The following PARD3 variants were observed in gnomAD, a reference collection of about 807,000 sequenced individuals.
PARD3 encodes par-3 family cell polarity regulator.
Under a neutral mutation model 155.4 loss-of-function variants are expected in PARD3, and 75 were observed. The ratio of observed to expected loss-of-function variants is 0.48; its 90% CI spans 0.40 to 0.58. The LOEUF is 0.58. Among genes scored for constraint, PARD3 ranks in the 20% least tolerant of loss-of-function variants. The pLI is 0.00. For missense variants in PARD3, 1,642 were observed against 1,721.7 expected (o/e 0.95, Z 0.82); for synonymous variants, 576 against 610.5 (o/e 0.94, Z 0.83).
chr10:34,385,681 T>C (rs1842281953), intron 7 of PARD3, among the ~76,000 whole-genome samples: 1 of 152,196 alleles, frequency 6.6e-6, no homozygotes, highest in African/African-American at 2.4e-5. Context: ...AGTAGAAATA[T>C]ACCAAAATAG....
At chr10:34,542,168 C>T (rs936121346) in intron 2 of PARD3, among the ~76,000 whole-genome samples, 3 of 150,770 alleles carry the variant, frequency 2.0e-5, no homozygotes, top group African/African-American at 7.3e-5. Context: ...TAGGAAATAT[C>T]AATGTACACT....
intron 22 of PARD3, among the ~76,000 whole-genome samples, chr10:34,190,994 C>A (rs1488330770): frequency 1.3e-5 from 2 of 151,748 alleles, no homozygotes; most frequent in South Asian, 4.2e-4. Context: ...GAGCCCAGAC[C>A]CCTTAAGACA....
intron 3 of PARD3, among the ~76,000 whole-genome samples, chr10:34,509,127 A>C (rs2081256955): frequency 6.6e-6 from 1 of 152,216 alleles, no homozygotes; most frequent in South Asian, 2.1e-4. Flanking sequence ...ATATACTCCC[A>C]TAAAGTATAA....
chr10:34,141,583 C>T (rs1948190366), intron 22 of PARD3, among the ~76,000 whole-genome samples: 1 of 152,128 alleles, frequency 6.6e-6, no homozygotes, highest in African/African-American at 2.4e-5. Flanking sequence ...ACTCCAAGTC[C>T]CTCTGTGGTC....
chr10:34,302,114 TGA>T (rs1957183330), intron 20 of PARD3, among the ~76,000 whole-genome samples: 2 of 152,160 alleles, frequency 1.3e-5, no homozygotes, highest in Non-Finnish European at 2.9e-5. Context: ...GAGTCATTTA[TGA>T]GAGGCCACCT....
chr10:34,533,584 A>G (rs1359501553), intron 2 of PARD3, among the ~76,000 whole-genome samples: 2 of 152,122 alleles, frequency 1.3e-5, no homozygotes, highest in East Asian at 3.8e-4. Flanking sequence ...AGGCAGGCAG[A>G]TCACTTGAGC....
In PARD3 at chr10:34,763,426, T is replaced by C. The variant is rs576121747; in HGVS notation, c.120+51450A>G. Among the ~76,000 whole-genome samples the C allele has an allele frequency of 1.3e-4, 20 of 152,298 alleles. 1 individual carries two copies. Among genetic ancestry groups the C allele is most frequent in the African/African-American group, 4.1e-4 (17 of 41,564 alleles). ...GGCAATGCCACCCACCTGCATCAGCTTGCCAACCTGTGTCCTCTGGGGGAA... is the reference window on the plus strand; with the variant it reads ...GGCAATGCCACCCACCTGCATCAGCCTGCCAACCTGTGTCCTCTGGGGGAA... On this transcript the variant is annotated intron_variant, in intron 1 of 24. Coordinates refer to ENST00000374788, the MANE Select transcript of PARD3 (RefSeq NM_001184785.2).
At chr10:34,136,930 C>T (rs1947930098) in intron 22 of PARD3, among the ~76,000 whole-genome samples, 1 of 152,136 alleles carries the variant, frequency 6.6e-6, no homozygotes, top group Non-Finnish European at 1.5e-5. Flanking sequence ...TCATCATAGC[C>T]ATTCAACATG....
intron 20 of PARD3, 43 bp downstream of exon 20, chr10:34,317,064 T>A: frequency 2.6e-6 from 4 of 1,509,650 alleles, no homozygotes; most frequent in Non-Finnish European, 3.5e-6. Context: ...CTCACACTCC[T>A]GTATGTTTAA....
intron 22 of PARD3, among the ~76,000 whole-genome samples, chr10:34,254,269 C>T (rs1954515739): frequency 6.6e-6 from 1 of 152,104 alleles, no homozygotes; most frequent in Admixed American, 6.5e-5. Context: ...GTCCCAGCTA[C>T]TCAGGAGGCT....
intron 3 of PARD3, among the ~76,000 whole-genome samples, chr10:34,497,643 A>G (rs2080384742): frequency 6.6e-6 from 1 of 152,216 alleles, no homozygotes; most frequent in African/African-American, 2.4e-5. Flanking sequence ...TTTATACAAC[A>G]TTCATTGAGA....
intron 4 of PARD3, among the ~76,000 whole-genome samples, chr10:34,466,605 C>T (rs1025670529): frequency 2.0e-5 from 3 of 152,090 alleles, no homozygotes; most frequent in Non-Finnish European, 4.4e-5. Context: ...GCTATGAATG[C>T]ACAACTAATT....
At position 34,738,343 on chromosome 10, in the gene PARD3, C is replaced by T. The variant is rs76547755; in HGVS notation, c.121-41924G>A. ...ACTCAGACAGGAAGAATCCCATTTT[C>T]GTTTGTATTTTATTTTAGAGATGGA... On this transcript the variant is annotated intron_variant, in intron 1 of 24. Coordinates refer to ENST00000374788, the MANE Select transcript of PARD3 (RefSeq NM_001184785.2). Among the ~76,000 whole-genome samples the T allele has an allele frequency of 4.1e-3, 627 of 152,242 alleles. 4 individuals carry two copies. The highest frequency in any genetic ancestry group is 0.014 in the African/African-American group (594 of 41,542).
chr10:34,340,688 G>A (rs1172271176), intron 16 of PARD3, among the ~76,000 whole-genome samples: 1 of 152,044 alleles, frequency 6.6e-6, no homozygotes, highest in African/African-American at 2.4e-5. Context: ...GAGGATTGGG[G>A]GAGTGGTTCA....
intron 22 of PARD3, among the ~76,000 whole-genome samples, chr10:34,256,985 T>C (rs866104705): frequency 2.6e-5 from 4 of 152,344 alleles, no homozygotes; most frequent in Middle Eastern, 3.4e-3. Flanking sequence ...TCAACTTGCT[T>C]GATTGGAAAA....
intron 22 of PARD3, among the ~76,000 whole-genome samples, chr10:34,185,641 G>A (rs1226646257): frequency 6.6e-6 from 1 of 151,650 alleles, no homozygotes; most frequent in East Asian, 1.9e-4. Flanking sequence ...TGCCTCTCAT[G>A]TTTTAGCTCC....
chr10:34,735,876 C>T (rs2094904531), intron 1 of PARD3, among the ~76,000 whole-genome samples: 1 of 152,078 alleles, frequency 6.6e-6, no homozygotes, highest in African/African-American at 2.4e-5. Context: ...GTATACACTC[C>T]ACTTGTGTAA....
At chr10:34,404,418 G>A (rs888814422) in intron 5 of PARD3, among the ~76,000 whole-genome samples, 1 of 152,116 alleles carries the variant, frequency 6.6e-6, no homozygotes, top group African/African-American at 2.4e-5. Context: ...TGTAATCCCA[G>A]CATTTTCAGA....
intron 1 of PARD3, among the ~76,000 whole-genome samples, chr10:34,721,795 A>G (rs573997919): frequency 6.6e-6 from 1 of 152,368 alleles, no homozygotes; most frequent in South Asian, 2.1e-4. Context: ...TGAAAAATAT[A>G]TATTTTGGGG....
Sources: gnomAD v4.1 joint callset for allele counts (sites outside exome capture counted in the v4.1 genomes callset) on GRCh38, gnomAD v4.1.1 for gene constraint, MANE v1.5 for transcripts, NCBI Gene and HGNC (gene_info 2026-07-23, HGNC 2026-07-21) for gene names.